STPG2: variants seen among roughly 807,000 people sequenced by gnomAD.
STPG2 encodes sperm-tail PG-rich repeat-containing protein 2.
A neutral mutation model predicts 54.2 loss-of-function variants in STPG2; 56 were observed. The observed-to-expected ratio is 1.03, with a 90% CI of 0.83 to 1.29. The LOEUF is 1.29. STPG2 is among the 50% of genes most tolerant of loss of function. The pLI, the probability that STPG2 is intolerant of heterozygous loss-of-function variation, is 0.00. For synonymous variants in STPG2, 200 were observed against 181.8 expected, an observed-to-expected ratio of 1.10 and a Z score of -0.81; for missense variants, 596 against 544.9, an observed-to-expected ratio of 1.09 and a Z score of -0.93.
At chr4:97,513,639 CTTA>C (rs1412610355) in intron 4 of STPG2, among the ~76,000 whole-genome samples, 1 of 152,024 alleles carries the variant, frequency 6.6e-6, no homozygotes, top group Non-Finnish European at 1.5e-5. Flanking sequence ...ACATATATAT[CTTA>C]TTATAGATCA....
intron 10 of STPG2, among the ~76,000 whole-genome samples, chr4:97,705,918 TATA>T (rs1218066093): frequency 2.0e-5 from 3 of 151,854 alleles, no homozygotes; most frequent in Admixed American, 6.6e-5. Flanking sequence ...ATATCTAATA[TATA>T]ATAACTATAA....
intron 7 of STPG2, among the ~76,000 whole-genome samples, chr4:97,946,898 T>C (rs1733247239): frequency 6.6e-6 from 1 of 152,116 alleles, no homozygotes; most frequent in Non-Finnish European, 1.5e-5. Context: ...TCCATATGAA[T>C]TGTAGGATTG....
At chr4:97,868,030 A>C (rs952552180) in intron 8 of STPG2, among the ~76,000 whole-genome samples, 4 of 151,968 alleles carry the variant, frequency 2.6e-5, no homozygotes, top group African/African-American at 9.7e-5. Context: ...AACTTGAAGT[A>C]TCTGCCACAC....
At chr4:98,123,292 T>C (rs1166621647) in intron 3 of STPG2, among the ~76,000 whole-genome samples, 3 of 151,704 alleles carry the variant, frequency 2.0e-5, no homozygotes. Context: ...GAGTGTAGAT[T>C]TGAGATCTTT....
intron 10 of STPG2, among the ~76,000 whole-genome samples, chr4:97,616,092 A>ATATATATATATATATATATATATG (rs764342142): frequency 4.7e-5 from 3 of 63,266 alleles, no homozygotes; most frequent in Admixed American, 2.6e-4. Flanking sequence ...ATATATATAT[A>ATATATATATATATATATATATATG]TATGTATGTA....
At chr4:97,883,014 C>T (rs1335398491) in intron 8 of STPG2, among the ~76,000 whole-genome samples, 3 of 150,510 alleles carry the variant, frequency 2.0e-5, no homozygotes, top group Non-Finnish European at 4.4e-5. Flanking sequence ...CAAGTACACA[C>T]AAAATTATCA....
intron 8 of STPG2, among the ~76,000 whole-genome samples, chr4:97,881,336 A>C (rs1295447183): frequency 6.6e-6 from 1 of 152,146 alleles, no homozygotes; most frequent in East Asian, 1.9e-4. Flanking sequence ...CTAAAAGGTA[A>C]AAATGTTACT....
chr4:98,114,766 TG>T (rs201397673), intron 3 of STPG2, among the ~76,000 whole-genome samples: 2,831 of 135,414 alleles, frequency 0.021, 42 homozygotes, highest in East Asian at 0.055. Flanking sequence ...TTTTTTTTTT[TG>T]TGTGTGTGTG....
At chr4:97,623,378 C>A (rs2148926194) in intron 10 of STPG2, among the ~76,000 whole-genome samples, 1 of 152,006 alleles carries the variant, frequency 6.6e-6, no homozygotes, top group Admixed American at 6.6e-5. Context: ...TGACAAAGTT[C>A]TAATATTCAG....
intron 10 of STPG2, among the ~76,000 whole-genome samples, chr4:97,574,457 G>A (rs1732672484): frequency 6.6e-6 from 1 of 151,802 alleles, no homozygotes; most frequent in Admixed American, 6.6e-5. Flanking sequence ...AAAAAAGTAT[G>A]ATTGGCAGAC....
intron 8 of STPG2, among the ~76,000 whole-genome samples, chr4:97,884,785 G>T (rs1730503214): frequency 1.3e-5 from 2 of 151,876 alleles, no homozygotes; most frequent in African/African-American, 4.8e-5. Context: ...AAAAGACAAG[G>T]GAAGAGTTTT....
intron 5 of STPG2, among the ~76,000 whole-genome samples, chr4:98,021,562 T>G (rs1055467549): frequency 2.0e-5 from 3 of 152,172 alleles, no homozygotes; most frequent in African/African-American, 7.2e-5. Context: ...GTTTAATTCC[T>G]GGGTATCCTT....
At chr4:97,688,555 G>C (rs943772528) in intron 10 of STPG2, among the ~76,000 whole-genome samples, 1 of 152,092 alleles carries the variant, frequency 6.6e-6, no homozygotes. Context: ...TTTTAGTAGA[G>C]ATGGGGTTTC....
At chr4:97,663,398 C>T (rs918467970) in intron 10 of STPG2, among the ~76,000 whole-genome samples, 4 of 152,048 alleles carry the variant, frequency 2.6e-5, no homozygotes, top group African/African-American at 9.7e-5. Flanking sequence ...ATATTGCAAT[C>T]ATTACTTCAA....
chr4:97,915,410 C>T (rs558647879), intron 8 of STPG2, among the ~76,000 whole-genome samples: 17 of 152,146 alleles, frequency 1.1e-4, no homozygotes, highest in African/African-American at 4.1e-4. Flanking sequence ...GGCACTGAGA[C>T]CTTAAGTAAC....
intron 5 of STPG2, among the ~76,000 whole-genome samples, chr4:98,078,530 G>A (rs1738241085): frequency 1.3e-5 from 2 of 151,306 alleles, no homozygotes; most frequent in Non-Finnish European, 2.9e-5. Context: ...TGGCACTTGT[G>A]GTGACCCTGA....
intron 4 of STPG2, among the ~76,000 whole-genome samples, chr4:97,445,778 C>G (rs976791424): frequency 1.3e-5 from 2 of 152,126 alleles, no homozygotes; most frequent in Non-Finnish European, 2.9e-5. Flanking sequence ...AGATATTAAA[C>G]TTTATATTTT....
intron 10 of STPG2, among the ~76,000 whole-genome samples, chr4:97,677,185 T>C (rs1722879594): frequency 1.3e-5 from 2 of 152,208 alleles, no homozygotes; most frequent in South Asian, 2.1e-4. Context: ...CCATAAAATG[T>C]TCTTTGAAAC....
At chr4:98,103,195 AAAGAT>A (rs768886337) in intron 5 of STPG2, among the ~76,000 whole-genome samples, 179 of 152,250 alleles carry the variant, frequency 1.2e-3, no homozygotes, top group Non-Finnish European at 2.0e-3. Flanking sequence ...ACTAAGCAGA[AAAGAT>A]AAAAGTCACC....
Sources: gnomAD v4.1 joint callset for allele counts (sites outside exome capture counted in the v4.1 genomes callset) on GRCh38, gnomAD v4.1.1 for gene constraint, MANE v1.5 for transcripts, NCBI Gene and HGNC (gene_info 2026-07-23, HGNC 2026-07-21) for gene names.